Variants in DMXL2 observed in about 807,000 individuals in gnomAD.
DMXL2 encodes the protein Dmx like 2.
DMXL2 carries 103 observed loss-of-function variants against 331.1 expected under a neutral mutation model. That is an observed-to-expected ratio of 0.31 (90% CI 0.27 to 0.37). The LOEUF (loss-of-function observed/expected upper bound fraction) is 0.37, where lower values mean the gene tolerates loss of function less well. Among genes scored for constraint, DMXL2 ranks in the 10% least tolerant of loss-of-function variants. The pLI, the probability that DMXL2 is intolerant of heterozygous loss-of-function variation, is 1.00. For missense variants in DMXL2, 3,171 were observed against 3,642.9 expected, an observed-to-expected ratio of 0.87 and a Z score of 3.33; for synonymous variants, 1,281 against 1,252.1, an observed-to-expected ratio of 1.02 and a Z score of -0.49.
intron 33 of DMXL2, among the ~76,000 whole-genome samples, chr15:51,461,459 C>G (rs952963539): frequency 1.2e-4 from 19 of 152,152 alleles, no homozygotes; most frequent in Non-Finnish European, 2.1e-4. Flanking sequence ...TGTGATAAAT[C>G]ATTAATTTTA....
At chr15:51,582,483 G>A (rs1031681433) in intron 1 of DMXL2, among the ~76,000 whole-genome samples, 12 of 152,264 alleles carry the variant, frequency 7.9e-5, no homozygotes, top group East Asian at 7.7e-4. Context: ...TTACTTGGCT[G>A]TACCAAGAGA....
chr15:51,541,844 A>T (rs990565418), intron 9 of DMXL2, among the ~76,000 whole-genome samples: 1 of 152,152 alleles, frequency 6.6e-6, no homozygotes, highest in Admixed American at 6.6e-5. Context: ...ATAGGGGAAA[A>T]AGGGAAAAGA....
chr15:51,475,815 T>C (rs192162650), intron 27 of DMXL2, among the ~76,000 whole-genome samples: 102 of 152,298 alleles, frequency 6.7e-4, no homozygotes, highest in African/African-American at 2.4e-3. Context: ...TTGAAATGTT[T>C]AGATGGAAAG....
At chr15:51,461,537 G>A (rs555476964) in intron 33 of DMXL2, among the ~76,000 whole-genome samples, 26 of 152,248 alleles carry the variant, frequency 1.7e-4, no homozygotes, top group African/African-American at 5.5e-4. Flanking sequence ...GAATAACAGA[G>A]CCCCTAATTG....
chr15:51,549,752 T>A (rs1267535641), intron 6 of DMXL2, among the ~76,000 whole-genome samples: 1 of 152,214 alleles, frequency 6.6e-6, no homozygotes, highest in African/African-American at 2.4e-5. Flanking sequence ...GCCATTTGTA[T>A]ATCCTCCTTG....
At chr15:51,589,382 G>A (rs956593579) in intron 1 of DMXL2, among the ~76,000 whole-genome samples, 3 of 152,182 alleles carry the variant, frequency 2.0e-5, no homozygotes, top group Admixed American at 6.5e-5. Context: ...CAATTACTCT[G>A]AAGTCCAATT....
At chr15:51,617,771 A>C (rs922778457) in intron 1 of DMXL2, among the ~76,000 whole-genome samples, 9 of 152,192 alleles carry the variant, frequency 5.9e-5, no homozygotes, top group Non-Finnish European at 1.3e-4. Flanking sequence ...CACCAACACC[A>C]TACAAGTAGT....
At chr15:51,457,093 G>A (rs1327877490) in intron 37 of DMXL2, among the ~76,000 whole-genome samples, 1 of 152,174 alleles carries the variant, frequency 6.6e-6, no homozygotes, top group Non-Finnish European at 1.5e-5. Flanking sequence ...GATCAATTGA[G>A]CCCAGGAGGT....
intron 13 of DMXL2, among the ~76,000 whole-genome samples, chr15:51,521,718 T>C (rs1244028281): frequency 6.6e-6 from 1 of 152,158 alleles, no homozygotes; most frequent in Non-Finnish European, 1.5e-5. Context: ...TTACCACTTA[T>C]TACATACTAT....
chr15:51,570,160 T>C (rs569858562), intron 2 of DMXL2, among the ~76,000 whole-genome samples: 21 of 151,962 alleles, frequency 1.4e-4, no homozygotes, highest in Admixed American at 9.8e-4. Flanking sequence ...AAGTTATCAA[T>C]AGCCGAACTG....
chr15:51,502,724 G>A (rs2043760892), intron 17 of DMXL2, 82 bp downstream of exon 17: 1 of 862,302 alleles, frequency 1.2e-6, no homozygotes, highest in African/African-American at 1.7e-5. Flanking sequence ...TATTTCAGAA[G>A]AGTTCATCTA....
At chr15:51,536,023 T>A (rs1191631814) in intron 12 of DMXL2, 143 bp downstream of exon 12, 3 of 909,262 alleles carry the variant, frequency 3.3e-6, no homozygotes, top group Non-Finnish European at 4.7e-6. Context: ...CATGCCTGTA[T>A]TCTGAATATT....
chr15:51,484,155 C>T (rs964345669), intron 23 of DMXL2, among the ~76,000 whole-genome samples: 1 of 151,938 alleles, frequency 6.6e-6, no homozygotes, highest in Non-Finnish European at 1.5e-5. Context: ...CTTATCCCCA[C>T]CCCTAACAGA....
At position 51,579,676 on chromosome 15, in the gene DMXL2, A is replaced by C. The variant is rs1458852643; in HGVS notation, c.88-3495T>G. ...AACTTAGTCAAAGAACTTGGAGTTG[A>C]AACACTGACACTGCCTTGTTGCTAA... On this transcript the variant is annotated intron_variant, in intron 1 of 43. Coordinates refer to ENST00000560891, the MANE Select transcript of DMXL2 (RefSeq NM_001378457.1). Among the ~76,000 whole-genome samples, 7 of 152,188 alleles carry C rather than the reference A, an allele frequency of 4.6e-5. No individual in the cohort carries two copies. In the South Asian group the frequency reaches 6.2e-4, roughly 14 times the overall value.
chr15:51,467,881 C>T (rs2040738809), intron 29 of DMXL2, among the ~76,000 whole-genome samples: 1 of 152,096 alleles, frequency 6.6e-6, no homozygotes, highest in Non-Finnish European at 1.5e-5. Context: ...CACCTGCCAC[C>T]ACGCCCGGCT....
At chr15:51,521,171 C>G (rs991542547) in intron 13 of DMXL2, among the ~76,000 whole-genome samples, 1 of 152,012 alleles carries the variant, frequency 6.6e-6, no homozygotes, top group Non-Finnish European at 1.5e-5. Flanking sequence ...GAGTGACAGC[C>G]GTAGTTGTAA....
chr15:51,591,120 G>A (rs1336258998), intron 1 of DMXL2, among the ~76,000 whole-genome samples: 5 of 152,328 alleles, frequency 3.3e-5, no homozygotes, highest in South Asian at 2.1e-4. Flanking sequence ...AACGTGAACC[G>A]AAGCAGGGCG....
At chr15:51,460,021 T>C (rs1022987002) in intron 33 of DMXL2, 1 of 982,146 alleles carries the variant, frequency 1.0e-6, no homozygotes, top group Non-Finnish European at 1.2e-6. Context: ...TCCTGCCCTA[T>C]AGGGGTTGAT....
intron 28 of DMXL2, among the ~76,000 whole-genome samples, chr15:51,473,248 C>T (rs2041284839): frequency 6.6e-6 from 1 of 152,140 alleles, no homozygotes; most frequent in South Asian, 2.1e-4. Flanking sequence ...ATTTTTATCA[C>T]AGTTCTTATC....
Sources: allele counts gnomAD v4.1 joint callset (sites outside exome capture counted in the v4.1 genomes callset), GRCh38; gene constraint gnomAD v4.1.1; transcripts MANE v1.5; gene names NCBI Gene and HGNC (gene_info 2026-07-23, HGNC 2026-07-21).